Variants in SLC35B3 observed in about 807,000 individuals in gnomAD.
The protein encoded by SLC35B3 is solute carrier family 35 member B3.
A neutral mutation model predicts 44.1 loss-of-function variants in SLC35B3; 35 were observed. The ratio of observed to expected loss-of-function variants is 0.79; its 90% CI spans 0.61 to 1.05. SLC35B3 has a LOEUF of 1.05. Ranked by LOEUF, SLC35B3 falls within the 50% of genes least tolerant of loss-of-function variation. SLC35B3 has a pLI of 0.00. For missense variants in SLC35B3, 414 were observed against 476.4 expected, an observed-to-expected ratio of 0.87 and a Z score of 1.22; for synonymous variants, 146 against 167.3, an observed-to-expected ratio of 0.87 and a Z score of 0.98.
intron 7 of SLC35B3, among the ~76,000 whole-genome samples, chr6:8,417,976 TCAGCAG>T (rs896798703): frequency 1.8e-4 from 28 of 151,836 alleles, no homozygotes; most frequent in Non-Finnish European, 1.3e-4. Flanking sequence ...ATAAACAGAA[TCAGCAG>T]CAGCAGCAGC....
Position 8,435,328 on chromosome 6 carries a change from C to G in SLC35B3, c.-44+15G>C, listed in dbSNP as rs1458010162. On this transcript the variant is annotated intron_variant, in intron 1 of 10. Transcript: ENST00000644923. This position sits in a 1 kb window ranked among gnomAD's most constrained non-coding sequence, Gnocchi z 5.5. ...TGGGTCCCAAACACAGGAAAGGCCC[C>G]GAAGGCACGCGTACCCCAAGGCCGG... is the stretch of plus-strand genomic sequence containing the variant. 7.8e-7 allele frequency: 1 copy of G among 1,289,176 alleles called. No individual in the cohort carries two copies. The highest frequency in any genetic ancestry group is 1.0e-6 in the Non-Finnish European group (1 of 988,872). The allele number at this position is 1,289,176 out of a possible 1,614,324, so 79.9% of individuals were successfully genotyped here. A position where few individuals can be genotyped will look rare whatever the true frequency, so the allele number is the denominator to read the frequency against.
intron 4 of SLC35B3, among the ~76,000 whole-genome samples, chr6:8,423,016 C>T (rs1318043567): frequency 6.6e-6 from 1 of 151,712 alleles, no homozygotes; most frequent in Non-Finnish European, 1.5e-5. Flanking sequence ...GAGATAAGGT[C>T]TCGCTCTGTT....
chr6:8,435,383 G>A lies in SLC35B3; in HGVS notation c.-84C>T, dbSNP rs891613479. On this transcript the variant is annotated 5_prime_UTR_variant, in exon 1 of 11. Coordinates refer to ENST00000644923, the MANE Select transcript of SLC35B3 (RefSeq NM_001370476.2). The surrounding 1 kb of genome is among the most constrained non-coding windows in gnomAD (Gnocchi z 5.5). Reference sequence around the variant, plus strand: ...TCACCCGGAAGGGTGACGGCAGCCTGCGTGGCGTCTGAGCTAGACGGAGCA... The same window carrying A: ...TCACCCGGAAGGGTGACGGCAGCCTACGTGGCGTCTGAGCTAGACGGAGCA... 7.8e-6 allele frequency: 10 copies of A among 1,288,710 alleles called. No homozygotes were observed. Among genetic ancestry groups the A allele is most frequent in the African/African-American group, 6.1e-5 (4 of 65,850 alleles). The allele number at this position is 1,288,710 out of a possible 1,614,324, so 79.8% of individuals were successfully genotyped here.
At chr6:8,429,596 GCACA>G (rs1763762872) in intron 3 of SLC35B3, among the ~76,000 whole-genome samples, 1 of 152,050 alleles carries the variant, frequency 6.6e-6, no homozygotes, top group Non-Finnish European at 1.5e-5. Context: ...TCTCTTGGAA[GCACA>G]CATTTTGTTA....
rs1455268111 is a variant in SLC35B3 at position 8,427,971 on chromosome 6, T to C, written c.385A>G (p.Ile129Val). The C allele has an allele frequency of 1.9e-6, 3 of 1,612,722 alleles. No individual in the cohort carries two copies. Among genetic ancestry groups the C allele is most frequent in the Non-Finnish European group, 2.5e-6 (3 of 1,179,268 alleles). ...TTGTCCTGAATAAGCTGAAGTTCTATTAGGCCAAATATGGAGTAAAAGGCA... is the reference window on the plus strand; with the variant it reads ...TTGTCCTGAATAAGCTGAAGTTCTACTAGGCCAAATATGGAGTAAAAGGCA... Residue 129 changes from isoleucine to valine, a missense_variant, in exon 4 of 11, where the codon ATA becomes GTA. Transcript: ENST00000644923.
In SLC35B3 at chr6:8,413,080, C is replaced by T. The variant is rs1377353747; in HGVS notation, c.*469G>A. The stretch of plus-strand genomic sequence containing the variant: ...CTATTAACACATCTTGAAAAAAGAT[C>T]ACAGAATAATTTTATTTATAATGAA... On this transcript the variant is annotated 3_prime_UTR_variant, in exon 11 of 11. Coordinates refer to ENST00000644923, the MANE Select transcript of SLC35B3 (RefSeq NM_001370476.2). 6.6e-6 allele frequency: 1 copy of T among 152,146 alleles called. No individual in the cohort carries two copies. The highest frequency in any genetic ancestry group is 1.5e-5 in the Non-Finnish European group (1 of 68,060). The allele number at this position is 152,146 out of a possible 1,614,324, so 9.4% of individuals were successfully genotyped here. A position where few individuals can be genotyped will look rare whatever the true frequency, so the allele number is the denominator to read the frequency against.
At chr6:8,423,455 A>G (rs1355557559) in intron 4 of SLC35B3, among the ~76,000 whole-genome samples, 1 of 152,148 alleles carries the variant, frequency 6.6e-6, no homozygotes, top group Admixed American at 6.5e-5. Flanking sequence ...GGCTCTATCT[A>G]AAGTTCCTAA....
rs1763009511 is a variant in SLC35B3 at position 8,422,637 on chromosome 6, A to G, written c.420-13T>C. On this transcript the variant is annotated splice_polypyrimidine_tract_variant and intron_variant, in intron 4 of 10. Transcript: ENST00000644923. ...TTTTCCTGGTATTCTGTAAAAGACA[A>G]TTTTTAAAACCTTCATTTTGGGACC... 4.4e-6 allele frequency: 7 copies of G among 1,597,726 alleles called. No individual in the cohort carries two copies. The highest frequency in any genetic ancestry group is 5.1e-6 in the Non-Finnish European group (6 of 1,173,866).
At position 8,413,519 on chromosome 6, in the gene SLC35B3, A is replaced by C. The variant is rs563433331; in HGVS notation, c.*30T>G. ...TAATTAATTGATGATTGTTCCCTTA[A>C]AATTCTATTTTAAATAGGACAATCA... On this transcript the variant is annotated 3_prime_UTR_variant, in exon 11 of 11. Coordinates refer to ENST00000644923, the MANE Select transcript of SLC35B3 (RefSeq NM_001370476.2). 4.0e-5 allele frequency: 62 copies of C among 1,568,844 alleles called. No homozygotes were observed. In the African/African-American group the frequency reaches 4.7e-4, roughly 12 times the overall value.
chr6:8,416,883 C>T lies in SLC35B3; in HGVS notation c.985+1G>A. Reference sequence around the variant, plus strand: ...AATCAAAGCAAGTAAATCCCTCCTACCTGTTACAGCAATAAGTGCACCAAA... The same window carrying T: ...AATCAAAGCAAGTAAATCCCTCCTATCTGTTACAGCAATAAGTGCACCAAA... On this transcript the variant is annotated splice_donor_variant, in intron 9 of 10. Coordinates refer to ENST00000644923, the MANE Select transcript of SLC35B3 (RefSeq NM_001370476.2). LOFTEE classifies it high-confidence loss of function. 1 of 1,474,706 alleles carries T rather than the reference C, an allele frequency of 6.8e-7. No individual in the cohort carries two copies. The highest frequency in any genetic ancestry group is 9.3e-7 in the Non-Finnish European group (1 of 1,071,856). 91.4% of individuals were successfully genotyped at this position (1,474,706 alleles called of 1,614,324 possible).
Position 8,419,496 on chromosome 6 carries a change from G to A in SLC35B3, c.780+84C>T. 3 of 665,318 alleles carry A rather than the reference G, an allele frequency of 4.5e-6. No individual in the cohort carries two copies. The highest frequency in any genetic ancestry group is 7.4e-6 in the Non-Finnish European group (3 of 406,140). The allele number at this position is 665,318 out of a possible 1,614,324, so 41.2% of individuals were successfully genotyped here. On this transcript the variant is annotated intron_variant, in intron 7 of 10. Coordinates refer to ENST00000644923, the MANE Select transcript of SLC35B3 (RefSeq NM_001370476.2). The surrounding 1 kb of genome is among the most constrained non-coding windows in gnomAD (Gnocchi z 4.3). ...AAATGAGTTTAAAAATGCAATGCTA[G>A]TTATAATAATTATTTCATCAAATTA...
At chr6:8,428,489 A>G (rs535159614) in intron 3 of SLC35B3, among the ~76,000 whole-genome samples, 17 of 150,580 alleles carry the variant, frequency 1.1e-4, no homozygotes, top group African/African-American at 3.6e-4. Context: ...CCAAACCCCA[A>G]CCATTTTCTC....
intron 9 of SLC35B3, among the ~76,000 whole-genome samples, chr6:8,416,164 A>G (rs1178930321): frequency 6.6e-6 from 1 of 152,212 alleles, no homozygotes; most frequent in African/African-American, 2.4e-5. Flanking sequence ...TGAGATTAAA[A>G]TAATGGTGTC....
intron 10 of SLC35B3, 27 bp from the exon 10 acceptor site, chr6:8,413,726 AT>A: frequency 7.1e-7 from 1 of 1,402,648 alleles, no homozygotes; most frequent in South Asian, 1.4e-5. Context: ...AGGAAAAAAA[AT>A]TAAAATTAGC....
chr6:8,428,572 A>G (rs1273711815), intron 3 of SLC35B3, among the ~76,000 whole-genome samples: 1 of 152,190 alleles, frequency 6.6e-6, no homozygotes, highest in Non-Finnish European at 1.5e-5. Context: ...TGGTTAAGTT[A>G]TAAATACAAT....
At chr6:8,426,996 C>G (rs1763476861) in intron 4 of SLC35B3, among the ~76,000 whole-genome samples, 1 of 152,262 alleles carries the variant, frequency 6.6e-6, no homozygotes, top group African/African-American at 2.4e-5. Context: ...TGGCATTTTG[C>G]CCCTGCCCTA....
rs1486004306 is a variant in SLC35B3 at position 8,411,989 on chromosome 6, C to T, written c.*1560G>A. Among the ~76,000 whole-genome samples the T allele has an allele frequency of 6.6e-6, 1 of 152,072 alleles. No homozygotes were observed. Among genetic ancestry groups the T allele is most frequent in the Non-Finnish European group, 1.5e-5 (1 of 68,010 alleles). On this transcript the variant is annotated 3_prime_UTR_variant, in exon 11 of 11. Transcript: ENST00000644923. ...CCTATGGTCTGAATGTTTGTGTCCC[C>T]CTGAGATTCATTTGTTGAAATCCTA...
At position 8,435,230 on chromosome 6, in the gene SLC35B3, C is replaced by T; in HGVS notation, c.-44+113G>A. 3 of 1,289,358 alleles carry T rather than the reference C, an allele frequency of 2.3e-6. No homozygotes were observed. The South Asian group carries it at 3.7e-5, about 16-fold the overall frequency. 79.9% of individuals were successfully genotyped at this position (1,289,358 alleles called of 1,614,324 possible). A position where few individuals can be genotyped will look rare whatever the true frequency, so the allele number is the denominator to read the frequency against. On this transcript the variant is annotated intron_variant, in intron 1 of 10. Coordinates refer to ENST00000644923, the MANE Select transcript of SLC35B3 (RefSeq NM_001370476.2). The surrounding 1 kb of genome is among the most constrained non-coding windows in gnomAD (Gnocchi z 5.5). Reference sequence around the variant, plus strand: ...TCACCCGTTTCTTCCATCCCGACCTCATCCATTCCTCGAACGCTCCTTCTG... The same window carrying T: ...TCACCCGTTTCTTCCATCCCGACCTTATCCATTCCTCGAACGCTCCTTCTG...
chr6:8,427,155 A>G (rs998488368), intron 4 of SLC35B3, among the ~76,000 whole-genome samples: 1 of 152,220 alleles, frequency 6.6e-6, no homozygotes, highest in African/African-American at 2.4e-5. Context: ...TTGCAACCTG[A>G]CGATGCAGTA....
Sources: gnomAD v4.1 joint callset for allele counts (sites outside exome capture counted in the v4.1 genomes callset) on GRCh38, gnomAD v4.1.1 for gene constraint, Gnocchi (gnomAD v3.1) non-coding constraint, MANE v1.5 for transcripts, NCBI Gene and HGNC (gene_info 2026-07-23, HGNC 2026-07-21) for gene names.